AKR1B15: variants seen among roughly 807,000 people sequenced by gnomAD.
The protein encoded by AKR1B15 is estradiol 17-beta-dehydrogenase AKR1B15.
Under a neutral mutation model 38.5 loss-of-function variants are expected in AKR1B15, and 49 were observed. The ratio of observed to expected loss-of-function variants is 1.27; its 90% CI spans 1.01 to 1.62. AKR1B15 has a LOEUF of 1.62. Ranked by LOEUF, AKR1B15 falls within the 40% of genes most tolerant of loss-of-function variation. The pLI is 0.00. For missense variants in AKR1B15, 411 were observed against 381.6 expected (o/e 1.08, Z -0.64); for synonymous variants, 137 against 135.5 (o/e 1.01, Z -0.08).
At chr7:134,564,308 C>T (rs1325201588) in intron 2 of AKR1B15, among the ~76,000 whole-genome samples, 2 of 152,202 alleles carry the variant, frequency 1.3e-5, no homozygotes, top group African/African-American at 2.4e-5. Context: ...AGTGACTCTC[C>T]AAAACCACTG....
intron 2 of AKR1B15, among the ~76,000 whole-genome samples, chr7:134,562,930 C>T (rs1200620446): frequency 1.4e-5 from 2 of 143,574 alleles, no homozygotes; most frequent in African/African-American, 5.2e-5. Context: ...TCCTTGCTCC[C>T]TTCCTTCCTT....
intron 11 of AKR1B15, among the ~76,000 whole-genome samples, chr7:134,578,503 T>C (rs1794812414): frequency 6.6e-6 from 1 of 152,170 alleles, no homozygotes; most frequent in Admixed American, 6.5e-5. Context: ...AAATCTCAGA[T>C]AAGTTGTTGA....
intron 2 of AKR1B15, among the ~76,000 whole-genome samples, chr7:134,563,863 G>A (rs117678203): frequency 6.6e-6 from 1 of 152,296 alleles, no homozygotes; most frequent in East Asian, 1.9e-4. Context: ...GCTTACCACA[G>A]CTACCTTGGC....
Position 134,575,408 on chromosome 7 carries a change from T to C in AKR1B15, c.514-12T>C. 1 of 1,613,616 alleles carries C rather than the reference T, an allele frequency of 6.2e-7. No individual in the cohort carries two copies. ...TCTAGAGCTGCCCATAAGGTATTCC[T>C]TTCTATGATAGGCCATGGAGGAGCT... On this transcript the variant is annotated splice_polypyrimidine_tract_variant and intron_variant, in intron 6 of 11. Transcript: ENST00000457545.
In AKR1B15 at chr7:134,561,988, TTCTC is replaced by T. The variant is rs1399010385; in HGVS notation, c.-22-2606_-22-2603del. 2.0e-5 allele frequency among the ~76,000 whole-genome samples: 3 copies of T among 152,340 alleles called. No homozygotes were observed. The South Asian group carries it at 6.2e-4, about 32-fold the overall frequency. ...TTTTTTCTTCCTTCTTTGCTTTGCT[TTCTC>T]TCTTTCTTTTACACAGGGTCTCACT... On this transcript the variant is annotated intron_variant, in intron 2 of 11. Coordinates refer to ENST00000457545, the MANE Select transcript of AKR1B15 (RefSeq NM_001080538.3).
At position 134,565,766 on chromosome 7, in the gene AKR1B15, C is replaced by T. The variant is rs1794519328; in HGVS notation, c.150+997C>T. Among the ~76,000 whole-genome samples the T allele has an allele frequency of 2.6e-5, 4 of 152,244 alleles. No individual in the cohort carries two copies. The South Asian group carries it at 8.3e-4, about 32-fold the overall frequency. On this transcript the variant is annotated intron_variant, in intron 3 of 11. Transcript: ENST00000457545. The stretch of plus-strand genomic sequence containing the variant: ...CCAGCAGTGATGAGAACTCCTCTAG[C>T]AAGTATCAAATTTCAAGCAGAGTTG...
At chr7:134,577,874 G>T (rs1794799786) in intron 11 of AKR1B15, 88 bp downstream of exon 11, 7 of 1,437,204 alleles carry the variant, frequency 4.9e-6, no homozygotes, top group Non-Finnish European at 6.7e-6. Flanking sequence ...AGGTTGTTGG[G>T]ACTACTTGTG....
chr7:134,559,907 A>G (rs1438513518), intron 2 of AKR1B15, among the ~76,000 whole-genome samples: 1 of 152,156 alleles, frequency 6.6e-6, no homozygotes, highest in Non-Finnish European at 1.5e-5. Flanking sequence ...CAGGAGATTG[A>G]GACCATCCTG....
rs190141715 is a variant in AKR1B15 at position 134,568,205 on chromosome 7, A to G, written c.198A>G (p.Ala66=). 146 of 1,614,112 alleles carry G rather than the reference A, an allele frequency of 9.0e-5. 1 individual carries two copies. In the Middle Eastern group the frequency reaches 1.7e-3, roughly 18 times the overall value. Residue 66 remains alanine (A), a synonymous_variant, in exon 4 of 12, where the codon GCA becomes GCG. Coordinates refer to ENST00000457545, the MANE Select transcript of AKR1B15 (RefSeq NM_001080538.3). ...VKEAVKVAID[A]EYRHIDCAYF... ...AAGCGGTGAAGGTGGCCATTGATGCAGAATATCGCCACATTGACTGTGCCT... is the reference window on the plus strand; with the variant it reads ...AAGCGGTGAAGGTGGCCATTGATGCGGAATATCGCCACATTGACTGTGCCT...
chr7:134,577,691 C>G lies in AKR1B15; in HGVS notation c.910-13C>G. On this transcript the variant is annotated splice_polypyrimidine_tract_variant and intron_variant, in intron 10 of 11. Transcript: ENST00000457545. ...GCCTTACCGATAATGTATTGGAATTCTTTCCTTTCTAGGTCTTTGACTTTA... is the reference window on the plus strand; with the variant it reads ...GCCTTACCGATAATGTATTGGAATTGTTTCCTTTCTAGGTCTTTGACTTTA... 1 of 1,612,946 alleles carries G rather than the reference C, an allele frequency of 6.2e-7. No individual in the cohort carries two copies. The highest frequency in any genetic ancestry group is 8.5e-7 in the Non-Finnish European group (1 of 1,179,440).
At chr7:134,577,824 G>T in intron 11 of AKR1B15, 38 bp downstream of exon 11, 1 of 1,604,150 alleles carries the variant, frequency 6.2e-7, no homozygotes, top group South Asian at 1.1e-5. Context: ...ATTGCCAGGA[G>T]TTTTTCTAAA....
intron 2 of AKR1B15, among the ~76,000 whole-genome samples, chr7:134,562,828 CTTTCTCTTTCTTTCTTTCTTTCTT>C (rs1794435691): frequency 1.5e-5 from 2 of 137,556 alleles, no homozygotes; most frequent in African/African-American, 5.6e-5. Context: ...TCCTTCCTTC[CTTTCTCTTTCTTTCTTTCTTTCTT>C]TCTTTCTTTC....
At chr7:134,570,891 A>G (rs1401292844) in intron 5 of AKR1B15, among the ~76,000 whole-genome samples, 1 of 152,304 alleles carries the variant, frequency 6.6e-6, no homozygotes, top group East Asian at 1.9e-4. Flanking sequence ...ACAAGTTGTA[A>G]CTGCCATATC....
Position 134,576,410 on chromosome 7 carries a change from C to T in AKR1B15, c.805C>T (p.His269Tyr). 1 of 1,614,082 alleles carries T rather than the reference C, an allele frequency of 6.2e-7. No homozygotes were observed. The highest frequency in any genetic ancestry group is 8.5e-7 in the Non-Finnish European group (1 of 1,179,972). The change falls in exon 9 of 12, where the codon CAC becomes TAC. Residue 269 changes from histidine to tyrosine, a missense_variant. Physicochemically the swap from His to Tyr is moderately conservative, Grantham distance 83. Coordinates refer to ENST00000457545, the MANE Select transcript of AKR1B15 (RefSeq NM_001080538.3). Reference sequence around the variant, plus strand: ...CAAGATTAAGGAGATTGCTGCAAAGCACAAAAAAACCACAGCCCAGGTACC... The same window carrying T: ...CAAGATTAAGGAGATTGCTGCAAAGTACAAAAAAACCACAGCCCAGGTACC... Reference protein sequence around the residue: ...DPKIKEIAAKHKKTTAQVLIR... With the variant: ...DPKIKEIAAKYKKTTAQVLIR...
intron 3 of AKR1B15, chr7:134,565,618 G>C: frequency 6.3e-7 from 1 of 1,590,026 alleles, no homozygotes; most frequent in Non-Finnish European, 8.6e-7. Context: ...TCTACATTCA[G>C]CCAGAAAAGC....
intron 2 of AKR1B15, among the ~76,000 whole-genome samples, chr7:134,564,262 C>T: frequency 6.6e-6 from 1 of 152,186 alleles, no homozygotes; most frequent in East Asian, 1.9e-4. Context: ...CAAAATCTAT[C>T]CTTACTCTAC....
intron 2 of AKR1B15, among the ~76,000 whole-genome samples, chr7:134,559,697 C>A (rs533345753): frequency 6.6e-6 from 1 of 152,218 alleles, no homozygotes; most frequent in African/African-American, 2.4e-5. Context: ...GACATATATT[C>A]ATCAGATTTA....
At chr7:134,551,401 C>A (rs1405701875) in intron 1 of AKR1B15, among the ~76,000 whole-genome samples, 1 of 152,160 alleles carries the variant, frequency 6.6e-6, no homozygotes, top group African/African-American at 2.4e-5. Context: ...TTCTGAAAAG[C>A]CCCAGGTCTT....
At position 134,564,755 on chromosome 7, in the gene AKR1B15, C is replaced by A; in HGVS notation, c.136C>A (p.Arg46Ser). Residue 46 changes from arginine (R) to serine (S), a missense_variant, in exon 3 of 12, where the codon CGC becomes AGC. Around this residue, in one of 3 missense-constraint regions of AKR1B15, gnomAD observed 254 missense variants for 212.4 expected, o/e 1.20. Transcript: ENST00000457545. ...KDTTSAGPLL[R>S]PYPASLLGKV... ...CACTACAAGTGCAGGGCCCCTTCTT[C>A]GCCCCTATCCAGCAGTAAGTGGCTA... 1 of 682,558 alleles carries A rather than the reference C, an allele frequency of 1.5e-6. No individual in the cohort carries two copies. The highest frequency in any genetic ancestry group is 3.7e-4 in the Middle Eastern group (1 of 2,684). 42.3% of individuals were successfully genotyped at this position (682,558 alleles called of 1,614,324 possible).
Sources: allele counts gnomAD v4.1 joint callset (sites outside exome capture counted in the v4.1 genomes callset), GRCh38; gene constraint gnomAD v4.1.1; regional missense constraint gnomAD v4.1.1; transcripts MANE v1.5; gene names NCBI Gene and HGNC (gene_info 2026-07-23, HGNC 2026-07-21).